The following DOCK5 variants were observed in gnomAD, a reference collection of about 807,000 sequenced individuals.
DOCK5 encodes dedicator of cytokinesis 5, also known as dedicator of cytokinesis protein 5.
Under a neutral mutation model 251.8 loss-of-function variants are expected in DOCK5, and 142 were observed. That is an observed-to-expected ratio of 0.56 (90% CI 0.49 to 0.65). The LOEUF (loss-of-function observed/expected upper bound fraction) is 0.65. Among genes scored for constraint, DOCK5 ranks in the 30% least tolerant of loss-of-function variants. DOCK5 has a pLI of 0.00. For missense variants in DOCK5, 2,111 were observed against 2,312.3 expected (o/e 0.91, Z 1.79); for synonymous variants, 842 against 835.5 (o/e 1.01, Z -0.13).
intron 5 of DOCK5, among the ~76,000 whole-genome samples, chr8:25,284,720 G>A (rs997683316): frequency 1.3e-5 from 2 of 152,228 alleles, no homozygotes; most frequent in African/African-American, 2.4e-5. Context: ...GGTCGGATTC[G>A]TGTAATGTCT....
At chr8:25,204,782 C>A (rs1264607361) in intron 1 of DOCK5, among the ~76,000 whole-genome samples, 1 of 152,186 alleles carries the variant, frequency 6.6e-6, no homozygotes, top group African/African-American at 2.4e-5. Flanking sequence ...CTCCCTGAGG[C>A]TGAACTTGTG....
chr8:25,411,160 A>G (rs746679786), intron 51 of DOCK5, 34 bp from the exon 52 acceptor site: 24 of 1,506,696 alleles, frequency 1.6e-5, no homozygotes, highest in Admixed American at 4.8e-5. Flanking sequence ...GAAAGCTAAG[A>G]CCTGCTTCTA....
rs1805964966 is a variant in DOCK5, at chr8:25,341,906, TAAG to T, written c.2510+101_2510+103del. 3.5e-5 allele frequency: 34 copies of T among 963,252 alleles called. 2 individuals carry two copies. The South Asian group carries it at 5.5e-4, about 16-fold the overall frequency. The allele number at this position is 963,252 out of a possible 1,614,324, so 59.7% of individuals were successfully genotyped here. A position where few individuals can be genotyped will look rare whatever the true frequency, so the allele number is the denominator to read the frequency against. ...CTGCTACACCTGGCTTTTATTTTTC[TAAG>T]AAGTATTAACTGAATACCTTTTTGT... On this transcript the variant is annotated intron_variant, in intron 24 of 51. Coordinates refer to ENST00000276440, the MANE Select transcript of DOCK5 (RefSeq NM_024940.8).
intron 27 of DOCK5, among the ~76,000 whole-genome samples, 200 bp downstream of exon 27, chr8:25,352,026 T>C (rs1800478328): frequency 6.6e-6 from 1 of 151,696 alleles, no homozygotes; most frequent in Non-Finnish European, 1.5e-5. Context: ...CTAGGCAATA[T>C]AGTGAGACCC....
intron 1 of DOCK5, among the ~76,000 whole-genome samples, chr8:25,214,834 C>T (rs73558441): frequency 0.031 from 4,746 of 152,266 alleles, 86 homozygotes; most frequent in South Asian, 0.043. Flanking sequence ...CCTGGCTGCT[C>T]CGCTGAGGTC....
intron 2 of DOCK5, among the ~76,000 whole-genome samples, chr8:25,261,968 G>A (rs1159108592): frequency 3.9e-5 from 6 of 152,058 alleles, no homozygotes; most frequent in East Asian, 1.9e-4. Context: ...ACTATATTAC[G>A]TATTATATAT....
chr8:25,266,139 C>T (rs926364163), intron 2 of DOCK5, among the ~76,000 whole-genome samples: 1 of 151,802 alleles, frequency 6.6e-6, no homozygotes, highest in Non-Finnish European at 1.5e-5. Flanking sequence ...CTTAAAGCAT[C>T]TGAGATCCTG....
At chr8:25,323,562 T>C (rs1805481748) in intron 16 of DOCK5, among the ~76,000 whole-genome samples, 1 of 152,072 alleles carries the variant, frequency 6.6e-6, no homozygotes, top group Admixed American at 6.6e-5. Context: ...GTTTAGGACA[T>C]GGAGTTGACG....
intron 1 of DOCK5, among the ~76,000 whole-genome samples, chr8:25,205,880 T>C (rs927113074): frequency 2.0e-5 from 3 of 152,224 alleles, no homozygotes; most frequent in Non-Finnish European, 4.4e-5. Context: ...GCACACTTAA[T>C]TGATACTTCT....
At chr8:25,408,670 C>G (rs1801565697) in intron 49 of DOCK5, 132 bp from the exon 50 acceptor site, 2 of 1,023,580 alleles carry the variant, frequency 2.0e-6, no homozygotes, top group Non-Finnish European at 2.9e-6. Flanking sequence ...CATCATATGA[C>G]AATGCTTAAA....
At chr8:25,214,563 G>A (rs1317142083) in intron 1 of DOCK5, among the ~76,000 whole-genome samples, 1 of 152,106 alleles carries the variant, frequency 6.6e-6, no homozygotes, top group Non-Finnish European at 1.5e-5. Flanking sequence ...GTATCTATAA[G>A]TATACACAGT....
chr8:25,314,893 GTC>G (rs1243083943), intron 13 of DOCK5, among the ~76,000 whole-genome samples: 4 of 150,736 alleles, frequency 2.7e-5, no homozygotes, highest in African/African-American at 9.7e-5. Context: ...GGACTCTCAA[GTC>G]TCTCTCTCCC....
At chr8:25,326,759 G>A (rs1297364556) in intron 18 of DOCK5, among the ~76,000 whole-genome samples, 2 of 152,148 alleles carry the variant, frequency 1.3e-5, no homozygotes, top group African/African-American at 2.4e-5. Context: ...AGATGGACAC[G>A]AAGATTTATG....
At chr8:25,329,724 G>T (rs971528416) in intron 18 of DOCK5, among the ~76,000 whole-genome samples, 2 of 152,052 alleles carry the variant, frequency 1.3e-5, no homozygotes, top group Non-Finnish European at 2.9e-5. Context: ...TGTTCATGGC[G>T]GAATTGCTTA....
intron 14 of DOCK5, among the ~76,000 whole-genome samples, chr8:25,317,960 G>A (rs1001598286): frequency 6.6e-6 from 1 of 152,142 alleles, no homozygotes; most frequent in African/African-American, 2.4e-5. Flanking sequence ...TTAAAAGGAT[G>A]AGTTATTGTC....
chr8:25,411,324 A>G lies in DOCK5; in HGVS notation c.*26A>G, dbSNP rs1663595340. 1 of 1,443,338 alleles carries G rather than the reference A, an allele frequency of 6.9e-7. No individual in the cohort carries two copies. The highest frequency in any genetic ancestry group is 2.9e-5 in the East Asian group (1 of 34,150). 89.4% of individuals were successfully genotyped at this position (1,443,338 alleles called of 1,614,324 possible). ...GGATCTTGCCCTCCCTGCAACACCGAGTGCCTTAGACAGCTGCTGCCTGAG... is the reference window on the plus strand; with the variant it reads ...GGATCTTGCCCTCCCTGCAACACCGGGTGCCTTAGACAGCTGCTGCCTGAG... On this transcript the variant is annotated 3_prime_UTR_variant, in exon 52 of 52. Coordinates refer to ENST00000276440, the MANE Select transcript of DOCK5 (RefSeq NM_024940.8).
At chr8:25,288,190 C>G (rs1160023052) in intron 5 of DOCK5, among the ~76,000 whole-genome samples, 2 of 152,022 alleles carry the variant, frequency 1.3e-5, no homozygotes, top group East Asian at 3.9e-4. Flanking sequence ...CCGGCCAGCC[C>G]GTGCTCTTTT....
intron 19 of DOCK5, 124 bp downstream of exon 19, chr8:25,332,472 A>G (rs1805705784): frequency 8.4e-7 from 1 of 1,190,950 alleles, no homozygotes; most frequent in African/African-American, 1.5e-5. Context: ...CTACGTTGTT[A>G]AACAAGTGTG....
At chr8:25,268,908 T>C in intron 3 of DOCK5, 23 bp downstream of exon 3, 1 of 1,533,006 alleles carries the variant, frequency 6.5e-7, no homozygotes, top group Non-Finnish European at 8.8e-7. Flanking sequence ...ATTCACTTTT[T>C]AATTTCATTT....
Sources: allele counts gnomAD v4.1 joint callset (sites outside exome capture counted in the v4.1 genomes callset), GRCh38; gene constraint gnomAD v4.1.1; transcripts MANE v1.5; gene names NCBI Gene and HGNC (gene_info 2026-07-23, HGNC 2026-07-21).